Variants in RBFOX1 observed in about 807,000 individuals in gnomAD.
The protein encoded by RBFOX1 is RNA binding fox-1 homolog 1.
In RBFOX1, 8 loss-of-function variants were observed where a neutral mutation model predicts 57.7. The ratio of observed to expected loss-of-function variants is 0.14; its 90% CI spans 0.08 to 0.25. The LOEUF (loss-of-function observed/expected upper bound fraction) is 0.25. Ranked by LOEUF, RBFOX1 falls within the 10% of genes least tolerant of loss-of-function variation. The pLI is 1.00. For missense variants in RBFOX1, 611 were observed against 548.5 expected (o/e 1.11, Z -1.14); for synonymous variants, 326 against 222.4 (o/e 1.47, Z -4.15).
chr16:6,295,113 T>G (rs1343059582), intron 1 of RBFOX1, among the ~76,000 whole-genome samples: 3 of 148,344 alleles, frequency 2.0e-5, no homozygotes, highest in African/African-American at 5.0e-5. Context: ...TTTTTTTTTT[T>G]TTTTTTTTTT....
intron 3 of RBFOX1, among the ~76,000 whole-genome samples, chr16:6,793,508 G>C (rs373343857): frequency 1.3e-5 from 2 of 151,920 alleles, no homozygotes; most frequent in Admixed American, 6.6e-5. Flanking sequence ...TTGACATTTT[G>C]GCCATTTCCA....
At chr16:6,216,094 A>C (rs1237291551) in intron 1 of RBFOX1, among the ~76,000 whole-genome samples, 1 of 152,160 alleles carries the variant, frequency 6.6e-6, no homozygotes, top group South Asian at 2.1e-4. Flanking sequence ...ACACATGGGC[A>C]CATGGAGGGG....
At chr16:5,931,025 G>A (rs1414363650) in intron 4 of RBFOX1, among the ~76,000 whole-genome samples, 1 of 152,024 alleles carries the variant, frequency 6.6e-6, no homozygotes, top group Non-Finnish European at 1.5e-5. Flanking sequence ...TGGATGGATA[G>A]ATGAGAAGTA....
chr16:6,890,435 C>T (rs1047185447), intron 3 of RBFOX1, among the ~76,000 whole-genome samples: 3 of 152,178 alleles, frequency 2.0e-5, no homozygotes, highest in Non-Finnish European at 4.4e-5. Flanking sequence ...TGGAGGATCA[C>T]TTAAACCCAG....
chr16:7,221,923 GA>G (rs1252824562), intron 4 of RBFOX1, among the ~76,000 whole-genome samples: 2 of 152,202 alleles, frequency 1.3e-5, no homozygotes, highest in Non-Finnish European at 2.9e-5. Context: ...AAAATGGGTA[GA>G]AAATGATGAA....
intron 3 of RBFOX1, among the ~76,000 whole-genome samples, chr16:5,834,858 C>G (rs2056410055): frequency 6.6e-6 from 1 of 152,036 alleles, no homozygotes; most frequent in African/African-American, 2.4e-5. Flanking sequence ...CATTGGGTAG[C>G]TATCCAGTGG....
intron 1 of RBFOX1, among the ~76,000 whole-genome samples, chr16:5,438,006 C>T (rs1046365636): frequency 6.6e-6 from 1 of 152,054 alleles, no homozygotes; most frequent in Non-Finnish European, 1.5e-5. Flanking sequence ...AAGGGGACAC[C>T]TTTGAGTAAA....
chr16:5,361,448 A>G (rs1026534433), intron 1 of RBFOX1, among the ~76,000 whole-genome samples: 1 of 152,248 alleles, frequency 6.6e-6, no homozygotes, highest in Non-Finnish European at 1.5e-5. Context: ...TCTCTTGTAA[A>G]AGAAACTCTC....
intron 3 of RBFOX1, among the ~76,000 whole-genome samples, chr16:5,725,642 C>T (rs1051423591): frequency 5.9e-5 from 9 of 151,416 alleles, no homozygotes; most frequent in African/African-American, 1.9e-4. Context: ...CTCATAAGAT[C>T]CTCATTTTCC....
chr16:6,911,276 A>G (rs1285885981), intron 3 of RBFOX1, among the ~76,000 whole-genome samples: 3 of 151,840 alleles, frequency 2.0e-5, no homozygotes, highest in Admixed American at 1.3e-4. Flanking sequence ...TGCTATAACA[A>G]AGTTCCACAA....
intron 2 of RBFOX1, among the ~76,000 whole-genome samples, chr16:5,542,564 T>C (rs1236364545): frequency 6.6e-6 from 1 of 152,096 alleles, no homozygotes; most frequent in Admixed American, 6.6e-5. Flanking sequence ...GCCATAGTTA[T>C]TGATTTTACT....
chr16:6,445,275 C>A lies in RBFOX1; in HGVS notation c.-64+128218C>A, dbSNP rs1047005581. ...TTATTATACTTTAAGTTGTAGGGTA[C>A]ATGTGCTCAACGTGCAGGTTTGTTA... is the stretch of plus-strand genomic sequence containing the variant. On this transcript the variant is annotated intron_variant, in intron 2 of 15. Transcript: ENST00000550418. Among the ~76,000 whole-genome samples the A allele has an allele frequency of 2.0e-5, 3 of 152,056 alleles. No homozygotes were observed. In the East Asian group the frequency reaches 5.8e-4, roughly 29 times the overall value.
At chr16:7,635,556 A>G (rs924106399) in intron 11 of RBFOX1, among the ~76,000 whole-genome samples, 4 of 151,966 alleles carry the variant, frequency 2.6e-5, no homozygotes, top group African/African-American at 9.7e-5. Context: ...AAGGACATAC[A>G]CACATGCAAT....
chr16:5,264,163 G>A (rs1032969765), intron 1 of RBFOX1, among the ~76,000 whole-genome samples: 6 of 152,172 alleles, frequency 3.9e-5, no homozygotes, highest in Non-Finnish European at 8.8e-5. Flanking sequence ...GGCAGGAGAG[G>A]TGAACAGTTG....
At chr16:7,393,793 C>G (rs1357771642) in intron 4 of RBFOX1, among the ~76,000 whole-genome samples, 4 of 152,312 alleles carry the variant, frequency 2.6e-5, no homozygotes, top group South Asian at 4.1e-4. Context: ...CACCTTTACT[C>G]CAGGCATCTC....
chr16:6,582,771 C>A (rs1056600096), intron 2 of RBFOX1, among the ~76,000 whole-genome samples: 2 of 150,624 alleles, frequency 1.3e-5, no homozygotes, highest in African/African-American at 4.9e-5. Context: ...CCTTTCTTTC[C>A]TTCCTCTTTC....
At chr16:7,001,737 A>T (rs529181621) in intron 3 of RBFOX1, among the ~76,000 whole-genome samples, 3 of 152,092 alleles carry the variant, frequency 2.0e-5, no homozygotes, top group African/African-American at 4.8e-5. Context: ...GATCACAGGG[A>T]TGCGTCAACA....
chr16:6,665,593 C>A (rs538354580), intron 3 of RBFOX1, among the ~76,000 whole-genome samples: 1 of 150,312 alleles, frequency 6.7e-6, no homozygotes, highest in Non-Finnish European at 1.5e-5. Flanking sequence ...CCATCACATT[C>A]CAGTCTGGGT....
intron 3 of RBFOX1, among the ~76,000 whole-genome samples, chr16:5,624,977 T>C (rs774581289): frequency 5.9e-5 from 9 of 152,198 alleles, no homozygotes; most frequent in Non-Finnish European, 1.2e-4. Flanking sequence ...GGCCGTGTGA[T>C]TGAGGGTGAC....
Sources: gnomAD v4.1 joint callset for allele counts (sites outside exome capture counted in the v4.1 genomes callset) on GRCh38, gnomAD v4.1.1 for gene constraint, MANE v1.5 for transcripts, NCBI Gene and HGNC (gene_info 2026-07-23, HGNC 2026-07-21) for gene names.